Variants in EXOC4 observed in about 807,000 individuals in gnomAD.
EXOC4 encodes the protein exocyst complex component 4, also known as SEC8-like 1.
EXOC4 carries 71 observed loss-of-function variants against 107.2 expected under a neutral mutation model. The ratio of observed to expected loss-of-function variants is 0.66; its 90% confidence interval spans 0.55 to 0.81. EXOC4 has a LOEUF of 0.81. Among genes scored for constraint, EXOC4 ranks in the 30% least tolerant of loss-of-function variants. The pLI, the probability that EXOC4 is intolerant of heterozygous loss-of-function variation, is 0.00. For synonymous variants in EXOC4, 456 were observed against 441.2 expected, an observed-to-expected ratio of 1.03 and a Z score of -0.42; for missense variants, 1,108 against 1,189.6, an observed-to-expected ratio of 0.93 and a Z score of 1.01.
chr7:133,476,015 A>G (rs560943831), intron 8 of EXOC4, among the ~76,000 whole-genome samples: 3 of 152,254 alleles, frequency 2.0e-5, no homozygotes, highest in East Asian at 3.9e-4. Flanking sequence ...AATATTGATA[A>G]TAACTTCAAT....
At position 133,664,441 on chromosome 7, in the gene EXOC4, C is replaced by G. The variant is rs1190437188; in HGVS notation, c.1514+34300C>G. Reference sequence around the variant, plus strand: ...GTCAGTGTATGTTGGTCTGCGAGTACGATTTTTCTACTGATCTCCAAACTA... The same window carrying G: ...GTCAGTGTATGTTGGTCTGCGAGTAGGATTTTTCTACTGATCTCCAAACTA... On this transcript the variant is annotated intron_variant, in intron 10 of 17. Coordinates refer to ENST00000253861, the MANE Select transcript of EXOC4 (RefSeq NM_021807.4). Among the ~76,000 whole-genome samples, 3 of 152,186 alleles carry G rather than the reference C, an allele frequency of 2.0e-5. No individual in the cohort carries two copies. In the South Asian group the frequency reaches 6.2e-4, roughly 32 times the overall value.
rs1300371638 is a variant in EXOC4, at chr7:133,804,380, C to T, written c.1515-12945C>T. ...ATTAGTGGCTACTTTTTTCTTAGGGCACTGTGCATTCAGAACACTTTGCCA... is the reference window on the plus strand; with the variant it reads ...ATTAGTGGCTACTTTTTTCTTAGGGTACTGTGCATTCAGAACACTTTGCCA... On this transcript the variant is annotated intron_variant, in intron 10 of 17. Transcript: ENST00000253861. 2.6e-5 allele frequency among the ~76,000 whole-genome samples: 4 copies of T among 152,090 alleles called. No individual in the cohort carries two copies. In the East Asian group the frequency reaches 7.7e-4, roughly 29 times the overall value.
chr7:133,384,734 T>TAA (rs1287477843), intron 7 of EXOC4, among the ~76,000 whole-genome samples: 1 of 59,538 alleles, frequency 1.7e-5, no homozygotes, highest in African/African-American at 4.3e-5. Flanking sequence ...TTAAGCGTAT[T>TAA]TAAAAAAAAA....
intron 9 of EXOC4, among the ~76,000 whole-genome samples, chr7:133,591,573 T>C (rs1365535503): frequency 6.6e-6 from 1 of 151,020 alleles, no homozygotes; most frequent in Non-Finnish European, 1.5e-5. Context: ...TGTGTGCGTG[T>C]GTGTGTGTGT....
chr7:133,557,188 C>T (rs942513616), intron 9 of EXOC4, among the ~76,000 whole-genome samples: 4 of 152,206 alleles, frequency 2.6e-5, no homozygotes, highest in Admixed American at 2.6e-4. Context: ...CTGACTTTTT[C>T]AGAATGTTGT....
chr7:133,565,134 CA>C (rs1414432769), intron 9 of EXOC4, among the ~76,000 whole-genome samples: 1 of 152,144 alleles, frequency 6.6e-6, no homozygotes, highest in East Asian at 1.9e-4. Flanking sequence ...GATTGAGGTT[CA>C]GGGGAACTGT....
At chr7:133,682,168 G>A (rs11761733) in intron 10 of EXOC4, among the ~76,000 whole-genome samples, 11,063 of 152,110 alleles carry the variant, frequency 0.073, 532 homozygotes, top group South Asian at 0.12. Flanking sequence ...AAAGTGCTGC[G>A]ATTACAGGAG....
chr7:133,824,774 A>G (rs947147821), intron 11 of EXOC4, among the ~76,000 whole-genome samples: 10 of 152,058 alleles, frequency 6.6e-5, no homozygotes, highest in Non-Finnish European at 1.5e-4. Flanking sequence ...CTCTGTCTCT[A>G]TCGTAACGTG....
chr7:133,865,362 A>G (rs993182136), intron 11 of EXOC4, among the ~76,000 whole-genome samples: 3 of 152,242 alleles, frequency 2.0e-5, no homozygotes, highest in Non-Finnish European at 4.4e-5. Flanking sequence ...GAAATGACAT[A>G]TAAATTCAGC....
At chr7:133,311,044 A>G (rs1408907437) in intron 4 of EXOC4, among the ~76,000 whole-genome samples, 1 of 152,238 alleles carries the variant, frequency 6.6e-6, no homozygotes, top group Non-Finnish European at 1.5e-5. Context: ...AAAGAAAGGT[A>G]CATGCTCACA....
intron 10 of EXOC4, among the ~76,000 whole-genome samples, chr7:133,742,907 TTTTTGC>T (rs1795597586): frequency 6.6e-6 from 1 of 152,150 alleles, no homozygotes; most frequent in Admixed American, 6.6e-5. Flanking sequence ...AAAAAGATTG[TTTTTGC>T]TTTTCCCAAC....
intron 14 of EXOC4, among the ~76,000 whole-genome samples, chr7:133,972,916 A>G (rs1563076550): frequency 6.6e-6 from 1 of 152,228 alleles, no homozygotes; most frequent in Non-Finnish European, 1.5e-5. Context: ...GGGAACAGAC[A>G]GATACATAGT....
At chr7:133,425,358 G>C (rs1797700362) in intron 7 of EXOC4, among the ~76,000 whole-genome samples, 1 of 152,138 alleles carries the variant, frequency 6.6e-6, no homozygotes, top group Non-Finnish European at 1.5e-5. Context: ...CGCAATCTTG[G>C]CTCACTGCAA....
At chr7:133,688,527 A>G (rs750065386) in intron 10 of EXOC4, among the ~76,000 whole-genome samples, 6 of 152,124 alleles carry the variant, frequency 3.9e-5, no homozygotes, top group Non-Finnish European at 7.4e-5. Context: ...TATATTAGTC[A>G]TTAGTATTCT....
In EXOC4 at chr7:133,411,085, T is replaced by C. The variant is rs77840833; in HGVS notation, c.1182+36083T>C. ...ATCTTAAGAGTCTCTTAAGAGGCTA[T>C]AGTTACAGAGGCTAACTATCTTTGG... is the stretch of plus-strand genomic sequence containing the variant. On this transcript the variant is annotated intron_variant, in intron 7 of 17. Coordinates refer to ENST00000253861, the MANE Select transcript of EXOC4 (RefSeq NM_021807.4). Among the ~76,000 whole-genome samples the C allele has an allele frequency of 5.6e-3, 856 of 152,270 alleles. 9 individuals are homozygous for C. The highest frequency in any genetic ancestry group is 0.019 in the African/African-American group (801 of 41,564).
chr7:133,673,172 T>A (rs1288350759), intron 10 of EXOC4, among the ~76,000 whole-genome samples: 1 of 152,180 alleles, frequency 6.6e-6, no homozygotes, highest in Non-Finnish European at 1.5e-5. Flanking sequence ...AAACATCTGC[T>A]TAGCTCTGGA....
chr7:133,857,276 C>T (rs1244173646), intron 11 of EXOC4, among the ~76,000 whole-genome samples: 1 of 12,686 alleles, frequency 7.9e-5, no homozygotes. Context: ...TATATATACA[C>T]GTATATATAT....
chr7:133,261,456 T>C (rs1795151191), intron 1 of EXOC4, among the ~76,000 whole-genome samples: 1 of 152,066 alleles, frequency 6.6e-6, no homozygotes. Flanking sequence ...TTTTTAGGTT[T>C]TGCTATGTTG....
At chr7:133,789,759 ACTTT>A (rs1222335068) in intron 10 of EXOC4, among the ~76,000 whole-genome samples, 2 of 152,188 alleles carry the variant, frequency 1.3e-5, no homozygotes, top group Non-Finnish European at 2.9e-5. Flanking sequence ...ATGGGGAAAG[ACTTT>A]CTCTGTTCAA....
Sources: allele counts gnomAD v4.1 joint callset (sites outside exome capture counted in the v4.1 genomes callset), GRCh38; gene constraint gnomAD v4.1.1; transcripts MANE v1.5; gene names NCBI Gene and HGNC (gene_info 2026-07-23, HGNC 2026-07-21).